Variants in LINGO1 observed in about 807,000 individuals in gnomAD.
LINGO1 encodes the protein leucine-rich repeat and immunoglobulin-like domain-containing nogo receptor-interacting protein 1.
Under a neutral mutation model 37.3 loss-of-function variants are expected in LINGO1, and 11 were observed. The observed-to-expected ratio is 0.29, with a 90% CI of 0.19 to 0.49. The LOEUF is 0.49. LINGO1 is among the 20% of genes least tolerant of loss of function. The pLI, the probability that LINGO1 is intolerant of heterozygous loss-of-function variation, is 0.99. For synonymous variants in LINGO1, 387 were observed against 403.0 expected (o/e 0.96, Z 0.48); for missense variants, 585 against 878.2 (o/e 0.67, Z 4.22).
chr15:77,728,578 C>T (rs28534807), intron 2 of LINGO1, among the ~76,000 whole-genome samples: 17,046 of 152,250 alleles, frequency 0.11, 1,142 homozygotes, highest in African/African-American at 0.18. Flanking sequence ...ATGGGAACCC[C>T]GCCTCATCCA....
At chr15:77,772,585 TG>T (rs148821111) in intron 1 of LINGO1, among the ~76,000 whole-genome samples, 1 of 151,588 alleles carries the variant, frequency 6.6e-6, no homozygotes, top group Non-Finnish European at 1.5e-5. Context: ...GGGGCTGGGG[TG>T]GGGGGTCTAT....
rs2073624475 is a variant in LINGO1, at chr15:77,614,572, C to T, written c.1335G>A (p.Val445=). 6.2e-7 allele frequency: 1 copy of T among 1,610,816 alleles called. No homozygotes were observed. The highest frequency in any genetic ancestry group is 8.5e-7 in the Non-Finnish European group (1 of 1,179,074). The change falls in exon 2 of 2, where the codon GTG becomes GTA. Residue 445 remains valine (V), a synonymous_variant. Transcript: ENST00000355300. ...GCGGCGGGTCGCCATCGGCCCGGCA[C>T]ACAAACTGCACCGTGTGGCCCTCGT... ...FVDEGHTVQF[V]CRADGDPPPA... is the part of the protein sequence containing the mutation.
At chr15:77,631,555 A>G (rs1305419661) in intron 1 of LINGO1, among the ~76,000 whole-genome samples, 2 of 152,150 alleles carry the variant, frequency 1.3e-5, no homozygotes, top group African/African-American at 4.8e-5. Flanking sequence ...CAGAGAGCCC[A>G]CAGCCCACCC....
chr15:77,769,733 C>G (rs1254206673), intron 1 of LINGO1, among the ~76,000 whole-genome samples: 1 of 152,158 alleles, frequency 6.6e-6, no homozygotes, highest in Non-Finnish European at 1.5e-5. Flanking sequence ...ACCTCATGCC[C>G]CAACCCCACC....
intron 1 of LINGO1, among the ~76,000 whole-genome samples, chr15:77,760,927 T>C (rs1446847365): frequency 2.4e-5 from 2 of 84,020 alleles, no homozygotes; most frequent in Non-Finnish European, 5.5e-5. Context: ...TTTTTTTTTT[T>C]TTTTTTTTTT....
chr15:77,722,652 G>A (rs1455202715), intron 2 of LINGO1, among the ~76,000 whole-genome samples: 1 of 152,214 alleles, frequency 6.6e-6, no homozygotes, highest in Non-Finnish European at 1.5e-5. Context: ...ATGGTATCAC[G>A]GTTCTGTCTT....
At chr15:77,753,661 C>T (rs1432561492) in intron 1 of LINGO1, among the ~76,000 whole-genome samples, 1 of 152,188 alleles carries the variant, frequency 6.6e-6, no homozygotes, top group Non-Finnish European at 1.5e-5. Flanking sequence ...GAGGGTCAGC[C>T]TCAGCCATCA....
At chr15:77,721,492 T>C (rs1276253096) in intron 2 of LINGO1, among the ~76,000 whole-genome samples, 2 of 152,196 alleles carry the variant, frequency 1.3e-5, no homozygotes, top group Non-Finnish European at 2.9e-5. Context: ...CATCTGCCCC[T>C]TGGTGGTAGA....
intron 3 of LINGO1, among the ~76,000 whole-genome samples, chr15:77,676,815 G>A (rs2075335571): frequency 6.6e-6 from 1 of 152,238 alleles, no homozygotes; most frequent in Non-Finnish European, 1.5e-5. Flanking sequence ...CAGGGATGGT[G>A]TGTCCCAGTG....
chr15:77,711,098 T>C (rs1174951769), intron 2 of LINGO1, among the ~76,000 whole-genome samples: 1 of 152,176 alleles, frequency 6.6e-6, no homozygotes, highest in African/African-American at 2.4e-5. Flanking sequence ...GTCCCCTCTC[T>C]GATCCATTTC....
At chr15:77,623,373 C>T (rs1436873545) in intron 1 of LINGO1, among the ~76,000 whole-genome samples, 2 of 152,234 alleles carry the variant, frequency 1.3e-5, no homozygotes, top group African/African-American at 2.4e-5. Context: ...ATCCTGACCC[C>T]AGTCCCTGGA....
intron 1 of LINGO1, among the ~76,000 whole-genome samples, chr15:77,776,488 A>AGGAAAGCAGGAAG (rs1567577582): frequency 2.2e-5 from 2 of 90,636 alleles, no homozygotes; most frequent in African/African-American, 9.9e-5. Context: ...AAGGCAGGAA[A>AGGAAAGCAGGAAG]GCAGGAAGGC....
chr15:77,657,453 C>T (rs1008646766), intron 3 of LINGO1, among the ~76,000 whole-genome samples: 3 of 152,212 alleles, frequency 2.0e-5, no homozygotes, highest in African/African-American at 7.2e-5. Flanking sequence ...TGTCCTGAAT[C>T]CCCAAACTCC....
chr15:77,698,167 AG>A (rs2075721358), upstream of LINGO1, among the ~76,000 whole-genome samples: 5 of 152,152 alleles, frequency 3.3e-5, no homozygotes, highest in South Asian at 1.0e-3. Flanking sequence ...TCTGGGAGGC[AG>A]AAACTGCAAA....
chr15:77,755,863 C>T (rs1482935861), intron 1 of LINGO1, among the ~76,000 whole-genome samples: 1 of 152,236 alleles, frequency 6.6e-6, no homozygotes, highest in African/African-American at 2.4e-5. Flanking sequence ...TTCCTCCTTC[C>T]TCCCGCCAGC....
At chr15:77,656,700 G>T (rs546697276) in intron 3 of LINGO1, among the ~76,000 whole-genome samples, 1 of 152,280 alleles carries the variant, frequency 6.6e-6, no homozygotes, top group East Asian at 1.9e-4. Context: ...GATATGTGGG[G>T]TGATATTCAG....
At chr15:77,626,690 G>A (rs949752925) in intron 1 of LINGO1, among the ~76,000 whole-genome samples, 2 of 152,210 alleles carry the variant, frequency 1.3e-5, no homozygotes, top group African/African-American at 4.8e-5. Context: ...CCAGAGAGGG[G>A]AGCCAAGACC....
upstream of LINGO1, among the ~76,000 whole-genome samples, chr15:77,635,029 G>C (rs2074368833): frequency 2.0e-5 from 3 of 152,178 alleles, no homozygotes; most frequent in Admixed American, 1.3e-4. Context: ...CGGAGAAATG[G>C]GGGAGAGCCC....
intron 3 of LINGO1, among the ~76,000 whole-genome samples, chr15:77,673,268 T>C (rs1353039530): frequency 6.6e-6 from 1 of 152,158 alleles, no homozygotes; most frequent in Non-Finnish European, 1.5e-5. Context: ...TCTAAAACTT[T>C]TAAGGGGTTA....
Sources: gnomAD v4.1 joint callset for allele counts (sites outside exome capture counted in the v4.1 genomes callset) on GRCh38, gnomAD v4.1.1 for gene constraint, MANE v1.5 for transcripts, NCBI Gene and HGNC (gene_info 2026-07-23, HGNC 2026-07-21) for gene names.